Variants in PDK1 observed in about 807,000 individuals in gnomAD.
PDK1 encodes pyruvate dehydrogenase kinase 1, also known as [Pyruvate dehydrogenase (acetyl-transferring)] kinase isozyme 1, mitochondrial.
A neutral mutation model predicts 54.2 loss-of-function variants in PDK1; 39 were observed. The observed-to-expected ratio is 0.72, with a 90% CI of 0.56 to 0.94. PDK1 has a LOEUF of 0.94. PDK1 is among the 40% of genes least tolerant of loss of function. The pLI is 0.00. For synonymous variants in PDK1, 221 were observed against 207.1 expected, an observed-to-expected ratio of 1.07 and a Z score of -0.58; for missense variants, 552 against 566.0, an observed-to-expected ratio of 0.98 and a Z score of 0.25.
the PDK1 span, among the ~76,000 whole-genome samples, chr2:172,640,995 CTTT>C: frequency 2.8e-5 from 1 of 36,346 alleles, no homozygotes; most frequent in African/African-American, 6.3e-5. Context: ...TTCTTTCTTT[CTTT>C]TTCTTTTCTT....
the PDK1 span, among the ~76,000 whole-genome samples, chr2:172,623,266 C>G: frequency 6.6e-6 from 1 of 152,078 alleles, no homozygotes; most frequent in East Asian, 1.9e-4. Flanking sequence ...ATTCATTCCA[C>G]TAAGTGTACA....
In PDK1 at chr2:172,603,793, T is replaced by C. The variant is rs1691191685; in HGVS notation, c.*7824T>C. On this transcript the variant is annotated 3_prime_UTR_variant, in exon 11 of 11. Transcript: ENST00000282077. ...TATGCCTGTGAATGGAAGGCCCTGATAAAACTTCATTATTAATGTTCTGCA... is the reference window on the plus strand; with the variant it reads ...TATGCCTGTGAATGGAAGGCCCTGACAAAACTTCATTATTAATGTTCTGCA... 1 of 152,218 alleles carries C rather than the reference T, an allele frequency of 6.6e-6. No homozygotes were observed. The highest frequency in any genetic ancestry group is 2.1e-4 in the South Asian group (1 of 4,830). 9.4% of individuals were successfully genotyped at this position (152,218 alleles called of 1,614,324 possible).
At chr2:172,696,624 AT>A in the PDK1 span, among the ~76,000 whole-genome samples, 1 of 152,186 alleles carries the variant, frequency 6.6e-6, no homozygotes, top group African/African-American at 2.4e-5. Flanking sequence ...TTAGGATTTA[AT>A]AATATCCTAA....
At chr2:172,557,812 G>T (rs1413090075) in intron 1 of PDK1, among the ~76,000 whole-genome samples, 1 of 151,932 alleles carries the variant, frequency 6.6e-6, no homozygotes, top group East Asian at 1.9e-4. Context: ...AGCATTAGTG[G>T]TTCTATATGG....
chr2:172,716,599 A>G, the PDK1 span, among the ~76,000 whole-genome samples: 1 of 152,162 alleles, frequency 6.6e-6, no homozygotes, highest in Non-Finnish European at 1.5e-5. Flanking sequence ...TGCTGAGATT[A>G]CAGGGGTGAG....
chr2:172,573,568 T>C (rs1689408490), intron 8 of PDK1, among the ~76,000 whole-genome samples: 1 of 151,556 alleles, frequency 6.6e-6, no homozygotes, highest in Non-Finnish European at 1.5e-5. Flanking sequence ...TACGCATATA[T>C]ACATATATGT....
chr2:172,621,864 A>G, the PDK1 span, among the ~76,000 whole-genome samples: 854 of 114,960 alleles, frequency 7.4e-3, 25 homozygotes, highest in Middle Eastern at 0.015. Flanking sequence ...TTTATATCTC[A>G]TATGTATGAT....
At chr2:172,656,624 T>C in the PDK1 span, among the ~76,000 whole-genome samples, 2 of 152,224 alleles carry the variant, frequency 1.3e-5, no homozygotes, top group Non-Finnish European at 2.9e-5. Flanking sequence ...AGTTCCCCCA[T>C]GCGGCTGTAT....
intron 9 of PDK1, among the ~76,000 whole-genome samples, chr2:172,588,619 C>G (rs763304254): frequency 1.3e-5 from 2 of 152,174 alleles, no homozygotes; most frequent in African/African-American, 2.4e-5. Flanking sequence ...AAGGCTAAGA[C>G]TGTTACTAAT....
In PDK1 at chr2:172,595,771, C is replaced by G. The variant is rs561226244; in HGVS notation, c.1171-58C>G. ...ACCTTTTTGCCATTGTCTATTTTCT[C>G]AAATAATGAATTCTAAAAAATGCCA... is the stretch of plus-strand genomic sequence containing the variant. On this transcript the variant is annotated intron_variant, in intron 10 of 10. Coordinates refer to ENST00000282077, the MANE Select transcript of PDK1 (RefSeq NM_002610.5). The G allele has an allele frequency of 1.5e-3, 2,161 of 1,485,214 alleles. 57 individuals carry two copies. In the South Asian group the frequency reaches 0.025, roughly 17 times the overall value. 92.0% of individuals were successfully genotyped at this position (1,485,214 alleles called of 1,614,324 possible).
chr2:172,713,437 C>G, the PDK1 span, among the ~76,000 whole-genome samples: 1 of 152,188 alleles, frequency 6.6e-6, no homozygotes, highest in Non-Finnish European at 1.5e-5. Flanking sequence ...GCTGTTCGAG[C>G]TGAGGGATGC....
At chr2:172,584,706 G>C (rs1467444770) in intron 8 of PDK1, among the ~76,000 whole-genome samples, 2 of 145,024 alleles carry the variant, frequency 1.4e-5, no homozygotes, top group African/African-American at 5.1e-5. Context: ...CCAGGTTGGA[G>C]TACAGTGGTG....
intron 1 of PDK1, 146 bp from the exon 2 acceptor site, chr2:172,558,562 A>C: frequency 1.5e-6 from 1 of 660,446 alleles, no homozygotes; most frequent in Non-Finnish European, 2.5e-6. Flanking sequence ...AGGCAGGTGT[A>C]TCTTTGCCTC....
At position 172,607,138 on chromosome 2, in the gene PDK1, A is replaced by G. The variant is rs1193351332; in HGVS notation, c.*11169A>G. 1 of 152,190 alleles carries G rather than the reference A, an allele frequency of 6.6e-6. No individual in the cohort carries two copies. The highest frequency in any genetic ancestry group is 2.4e-5 in the African/African-American group (1 of 41,448). 9.4% of individuals were successfully genotyped at this position (152,190 alleles called of 1,614,324 possible). A position where few individuals can be genotyped will look rare whatever the true frequency, so the allele number is the denominator to read the frequency against. ...ATTTTGAGTCCAAAATTAAAATCCA[A>G]AATAGCCAAGCATGGTGGCTCACGC... On this transcript the variant is annotated 3_prime_UTR_variant, in exon 11 of 11. Coordinates refer to ENST00000282077, the MANE Select transcript of PDK1 (RefSeq NM_002610.5).
the PDK1 span, among the ~76,000 whole-genome samples, chr2:172,618,743 T>C: frequency 1.3e-5 from 2 of 151,612 alleles, no homozygotes; most frequent in African/African-American, 2.4e-5. Context: ...CTGGAAGGAG[T>C]TGGGGCAGGT....
chr2:172,664,440 T>G, the PDK1 span, among the ~76,000 whole-genome samples: 1 of 152,034 alleles, frequency 6.6e-6, no homozygotes, highest in Non-Finnish European at 1.5e-5. Flanking sequence ...GAGAGTTTCA[T>G]TCATTCATTT....
downstream of PDK1, among the ~76,000 whole-genome samples, chr2:172,611,132 C>T (rs149160842): frequency 2.3e-3 from 349 of 152,092 alleles, 2 homozygotes; most frequent in African/African-American, 7.7e-3. Context: ...GGAAAAAATC[C>T]TCAACATCAC....
intron 9 of PDK1, among the ~76,000 whole-genome samples, chr2:172,588,136 C>A (rs1574521559): frequency 6.6e-6 from 1 of 152,212 alleles, no homozygotes; most frequent in Non-Finnish European, 1.5e-5. Flanking sequence ...CAGATACATG[C>A]CCTCCAGGAG....
At chr2:172,701,265 G>A in the PDK1 span, among the ~76,000 whole-genome samples, 1 of 152,132 alleles carries the variant, frequency 6.6e-6, no homozygotes, top group African/African-American at 2.4e-5. Context: ...ACATTTGTGT[G>A]TCAAAGTCAT....
Sources: gnomAD v4.1 joint callset for allele counts (sites outside exome capture counted in the v4.1 genomes callset) on GRCh38, gnomAD v4.1.1 for gene constraint, MANE v1.5 for transcripts, NCBI Gene and HGNC (gene_info 2026-07-23, HGNC 2026-07-21) for gene names.